AGAP1: variants seen among roughly 807,000 people sequenced by gnomAD.
The protein encoded by AGAP1 is arf-GAP with GTPase, ANK repeat and PH domain-containing protein 1.
Under a neutral mutation model 105.3 loss-of-function variants are expected in AGAP1, and 29 were observed. The observed-to-expected ratio is 0.28, with a 90% CI of 0.21 to 0.38. AGAP1 has a LOEUF of 0.38. Ranked by LOEUF, AGAP1 falls within the 10% of genes least tolerant of loss-of-function variation. The pLI is 1.00. For missense variants in AGAP1, 998 were observed against 1,165.1 expected (o/e 0.86, Z 2.09); for synonymous variants, 509 against 485.9 (o/e 1.05, Z -0.63).
intron 1 of AGAP1, among the ~76,000 whole-genome samples, chr2:235,598,044 G>A (rs1353067417): frequency 1.7e-5 from 2 of 116,482 alleles, no homozygotes; most frequent in African/African-American, 3.7e-5. Context: ...GCGTGCACGC[G>A]CTCCCGTGTT....
intron 2 of AGAP1, among the ~76,000 whole-genome samples, chr2:235,710,757 C>G (rs1265902970): frequency 6.6e-6 from 1 of 152,160 alleles, no homozygotes; most frequent in Non-Finnish European, 1.5e-5. Flanking sequence ...CCAGGAGATT[C>G]TCAGAACAAT....
At chr2:235,717,982 G>A (rs951125863) in intron 3 of AGAP1, among the ~76,000 whole-genome samples, 1 of 152,076 alleles carries the variant, frequency 6.6e-6, no homozygotes, top group South Asian at 2.1e-4. Context: ...CTGTGATCTG[G>A]ATATTGAATT....
chr2:236,112,222 C>G (rs1039309225), intron 16 of AGAP1, among the ~76,000 whole-genome samples: 4 of 152,176 alleles, frequency 2.6e-5, no homozygotes, highest in Admixed American at 6.5e-5. Flanking sequence ...TTGAGACCAG[C>G]CTGGCCAACA....
intron 9 of AGAP1, among the ~76,000 whole-genome samples, chr2:235,862,145 A>T (rs948585287): frequency 6.6e-6 from 1 of 152,152 alleles, no homozygotes; most frequent in Admixed American, 6.5e-5. Flanking sequence ...CTGGGTGTTC[A>T]TCCATGGCTC....
At chr2:236,094,592 T>C (rs957450932) in intron 16 of AGAP1, among the ~76,000 whole-genome samples, 1 of 152,052 alleles carries the variant, frequency 6.6e-6, no homozygotes, top group Admixed American at 6.6e-5. Flanking sequence ...ATTCAAGCGA[T>C]CCTCCCATCT....
Position 236,123,865 on chromosome 2 carries a change from C to G in AGAP1, c.2371-54C>G, listed in dbSNP as rs767402992. 1,985 of 1,604,336 alleles carry G rather than the reference C, an allele frequency of 1.2e-3. 5 individuals are homozygous for G. Among genetic ancestry groups the G allele is most frequent in the Non-Finnish European group, 1.3e-3 (1,547 of 1,174,292 alleles). On this transcript the variant is annotated intron_variant, in intron 17 of 17. Transcript: ENST00000304032. This position sits in a 1 kb window ranked among gnomAD's most constrained non-coding sequence, Gnocchi z 4.6. The stretch of plus-strand genomic sequence containing the variant: ...GGGCTGAGAGAAAGCTTCCCTGCCC[C>G]CTCCCTCCATCACATCCCCCATGAT...
rs76188767 is a variant in AGAP1 at position 235,728,644 on chromosome 2, G to A, written c.310+11000G>A. Among the ~76,000 whole-genome samples, 7 of 151,978 alleles carry A rather than the reference G, an allele frequency of 4.6e-5. No individual in the cohort carries two copies. The highest frequency in any genetic ancestry group is 2.1e-4 in the South Asian group (1 of 4,820). On this transcript the variant is annotated intron_variant, in intron 3 of 17. Coordinates refer to ENST00000304032, the MANE Select transcript of AGAP1 (RefSeq NM_001037131.3). This position sits in a 1 kb window ranked among gnomAD's most constrained non-coding sequence, Gnocchi z 4.3. The stretch of plus-strand genomic sequence containing the variant: ...TTGTTGTATGAGGGCAGCCCATGTC[G>A]CCAGCATTTATTTTCTGAGCCCCAT...
chr2:235,626,227 G>A (rs1381082941), intron 1 of AGAP1, among the ~76,000 whole-genome samples: 1 of 151,090 alleles, frequency 6.6e-6, no homozygotes, highest in African/African-American at 2.4e-5. Flanking sequence ...TTATGGTGGT[G>A]CATACCTGTA....
chr2:235,640,132 T>C (rs1430692928), intron 1 of AGAP1, among the ~76,000 whole-genome samples: 1 of 152,232 alleles, frequency 6.6e-6, no homozygotes, highest in African/African-American at 2.4e-5. Context: ...TAGGGTGAGG[T>C]GGACAGTTGC....
At chr2:236,057,308 C>T (rs915459967) in intron 16 of AGAP1, among the ~76,000 whole-genome samples, 3 of 152,176 alleles carry the variant, frequency 2.0e-5, no homozygotes, top group Non-Finnish European at 4.4e-5. Context: ...AGGGTTTCAA[C>T]GTGTTAGCCA....
rs1308882928 is a variant in AGAP1, at chr2:236,038,181, G to A, written c.1800+1466G>A. ...GGTCACGTCCACATGCATCCATGATGTGCCTCCTGAAACGAGCACAGGGTG... is the reference window on the plus strand; with the variant it reads ...GGTCACGTCCACATGCATCCATGATATGCCTCCTGAAACGAGCACAGGGTG... On this transcript the variant is annotated intron_variant, in intron 14 of 17. Coordinates refer to ENST00000304032, the MANE Select transcript of AGAP1 (RefSeq NM_001037131.3). The surrounding 1 kb of genome is among the most constrained non-coding windows in gnomAD (Gnocchi z 4.5). 6.6e-6 allele frequency among the ~76,000 whole-genome samples: 1 copy of A among 152,292 alleles called. No individual in the cohort carries two copies. The highest frequency in any genetic ancestry group is 1.9e-4 in the East Asian group (1 of 5,182).
rs1355745950 is a variant in AGAP1, at chr2:235,736,748, G to C, written c.311-4215G>C. 6.6e-6 allele frequency among the ~76,000 whole-genome samples: 1 copy of C among 152,166 alleles called. No homozygotes were observed. Among genetic ancestry groups the C allele is most frequent in the Non-Finnish European group, 1.5e-5 (1 of 68,036 alleles). On this transcript the variant is annotated intron_variant, in intron 3 of 17. Coordinates refer to ENST00000304032, the MANE Select transcript of AGAP1 (RefSeq NM_001037131.3). The surrounding 1 kb of genome is among the most constrained non-coding windows in gnomAD (Gnocchi z 5.5). ...CCAGCTACTCAGGGAGGCTGAGGTG[G>C]GAGGATCTTTTGAGCCTAGGCAGTC...
intron 1 of AGAP1, among the ~76,000 whole-genome samples, chr2:235,688,061 C>G (rs1245720641): frequency 6.6e-6 from 1 of 152,004 alleles, no homozygotes; most frequent in Non-Finnish European, 1.5e-5. Flanking sequence ...ACCACCATAC[C>G]CAGCTAATTT....
intron 3 of AGAP1, among the ~76,000 whole-genome samples, chr2:235,738,802 C>A (rs542785639): frequency 7.9e-5 from 12 of 152,234 alleles, no homozygotes; most frequent in Admixed American, 2.6e-4. Context: ...AGGTGATCCA[C>A]CTGCCTCGGC....
chr2:235,533,391 C>G (rs1943107896), intron 1 of AGAP1, among the ~76,000 whole-genome samples: 1 of 152,130 alleles, frequency 6.6e-6, no homozygotes, highest in Non-Finnish European at 1.5e-5. Context: ...CTGGATCAGA[C>G]AAGTGGAGAA....
chr2:235,516,055 T>TCTGCTGCTGCTGCTGCTGCTGCTG (rs112761133), intron 1 of AGAP1, among the ~76,000 whole-genome samples: 24 of 138,710 alleles, frequency 1.7e-4, no homozygotes, highest in African/African-American at 5.3e-4. Context: ...CATGGGCTCC[T>TCTGCTGCTGCTGCTGCTGCTGCTG]CTGCTGCTGC....
In AGAP1 at chr2:235,568,356, G is replaced by A. The variant is rs191416015; in HGVS notation, c.163+73507G>A. 6.6e-5 allele frequency among the ~76,000 whole-genome samples: 10 copies of A among 152,336 alleles called. No homozygotes were observed. The East Asian group carries it at 1.5e-3, about 24-fold the overall frequency. On this transcript the variant is annotated intron_variant, in intron 1 of 17. Coordinates refer to ENST00000304032, the MANE Select transcript of AGAP1 (RefSeq NM_001037131.3). ...GCCAGGCACTTTGCGGAGCATGGAC[G>A]CCCGTTCTCTTACTCTGTTGATGCA...
chr2:235,751,318 G>A lies in AGAP1; in HGVS notation c.673+830G>A, dbSNP rs1382170751. Among the ~76,000 whole-genome samples, 1 of 152,152 alleles carries A rather than the reference G, an allele frequency of 6.6e-6. No homozygotes were observed. The highest frequency in any genetic ancestry group is 6.5e-5 in the Admixed American group (1 of 15,280). ...GCAGAGGGTCCCCTTGCTGGTGGGA[G>A]TGGTGGAAGTCACTTGTAGGGTCCT... On this transcript the variant is annotated intron_variant, in intron 6 of 17. Coordinates refer to ENST00000304032, the MANE Select transcript of AGAP1 (RefSeq NM_001037131.3). The surrounding 1 kb of genome is among the most constrained non-coding windows in gnomAD (Gnocchi z 5.3).
intron 1 of AGAP1, among the ~76,000 whole-genome samples, chr2:235,542,358 T>A (rs758298263): frequency 2.6e-5 from 4 of 152,194 alleles, no homozygotes; most frequent in Admixed American, 6.5e-5. Flanking sequence ...TAAGCGGGAT[T>A]GAATCCTCAG....
Sources: allele counts gnomAD v4.1 joint callset (sites outside exome capture counted in the v4.1 genomes callset), GRCh38; gene constraint gnomAD v4.1.1; non-coding constraint Gnocchi (gnomAD v3.1); transcripts MANE v1.5; gene names NCBI Gene and HGNC (gene_info 2026-07-23, HGNC 2026-07-21).